The following SLC26A7 variants were observed in gnomAD, a reference collection of about 807,000 sequenced individuals.
SLC26A7 encodes solute carrier family 26 member 7, also known as anion exchange transporter.
SLC26A7 carries 59 observed loss-of-function variants against 82.5 expected under a neutral mutation model. The observed-to-expected ratio is 0.72, with a 90% CI of 0.58 to 0.89. The LOEUF (loss-of-function observed/expected upper bound fraction) is 0.89. SLC26A7 is among the 40% of genes least tolerant of loss of function. SLC26A7 has a pLI of 0.00. For missense variants in SLC26A7, 820 were observed against 793.0 expected (o/e 1.03, Z -0.41); for synonymous variants, 271 against 274.3 (o/e 0.99, Z 0.12).
intron 2 of SLC26A7, among the ~76,000 whole-genome samples, chr8:91,228,796 T>C (rs1281907283): frequency 6.6e-6 from 1 of 152,202 alleles, no homozygotes; most frequent in East Asian, 1.9e-4. Flanking sequence ...TATTATTTTA[T>C]CTTTCCAAAT....
Position 91,227,150 on chromosome 8 carries a change from C to G in SLC26A7, c.-34+8145C>G, listed in dbSNP as rs184020044. Among the ~76,000 whole-genome samples the G allele has an allele frequency of 1.6e-3, 240 of 152,330 alleles. 2 individuals are homozygous for G. Among genetic ancestry groups the G allele is most frequent in the African/African-American group, 5.7e-3 (236 of 41,584 alleles). On this transcript the variant is annotated intron_variant, in intron 2 of 5. Transcript: ENST00000522862. ...CAATCTGTAATCCATCTGAAACTCT[C>G]TTTTTGGGATCTGGAACTGCAAAAT... is the stretch of plus-strand genomic sequence containing the variant.
chr8:91,360,677 T>C (rs984694883), intron 11 of SLC26A7, among the ~76,000 whole-genome samples: 10 of 152,134 alleles, frequency 6.6e-5, no homozygotes, highest in African/African-American at 2.4e-4. Context: ...GCCTCCAGGC[T>C]CTATGGTTTT....
rs138960751 is a variant in SLC26A7 at position 91,333,558 on chromosome 8, T to C, written c.643-737T>C. Among the ~76,000 whole-genome samples, 393 of 152,214 alleles carry C rather than the reference T, an allele frequency of 2.6e-3. 3 individuals are homozygous for C. Among genetic ancestry groups the C allele is most frequent in the African/African-American group, 9.0e-3 (374 of 41,532 alleles). On this transcript the variant is annotated intron_variant, in intron 5 of 18. Transcript: ENST00000276609. The stretch of plus-strand genomic sequence containing the variant: ...TCATCTATAACCTGGCCAGTTCCCA[T>C]TTATCTTCTTTGAGAAGGACCCACC...
At chr8:91,233,932 T>C (rs527551430) in intron 2 of SLC26A7, among the ~76,000 whole-genome samples, 2 of 152,338 alleles carry the variant, frequency 1.3e-5, no homozygotes, top group South Asian at 4.1e-4. Context: ...CACTCTGTCC[T>C]TGGGCTCCTC....
At chr8:91,326,813 T>C (rs1300575815) in intron 5 of SLC26A7, among the ~76,000 whole-genome samples, 1 of 152,180 alleles carries the variant, frequency 6.6e-6, no homozygotes, top group East Asian at 1.9e-4. Flanking sequence ...CCATGCTCCC[T>C]CTGCAGGTTC....
At chr8:91,307,754 C>A (rs1288065289) in intron 4 of SLC26A7, among the ~76,000 whole-genome samples, 1 of 148,402 alleles carries the variant, frequency 6.7e-6, no homozygotes, top group African/African-American at 2.5e-5. Context: ...ACATATGTAA[C>A]TAACCTGCAC....
At chr8:91,221,704 G>C (rs1393772617) in intron 2 of SLC26A7, among the ~76,000 whole-genome samples, 1 of 151,826 alleles carries the variant, frequency 6.6e-6, no homozygotes, top group African/African-American at 2.4e-5. Context: ...TATTTCTGAG[G>C]CCTCTGTTCT....
intron 9 of SLC26A7, chr8:91,348,543 A>T (rs1434966788): frequency 4.3e-6 from 1 of 232,926 alleles, no homozygotes; most frequent in African/African-American, 2.3e-5. Context: ...ATCAGTAGTT[A>T]TGATTTTGAA....
intron 1 of SLC26A7, among the ~76,000 whole-genome samples, chr8:91,212,346 C>A (rs1809944575): frequency 6.6e-6 from 1 of 151,954 alleles, no homozygotes; most frequent in Admixed American, 6.6e-5. Context: ...TTAACATTTC[C>A]CCAGATTCCT....
chr8:91,252,741 A>G (rs1173625576), intron 2 of SLC26A7, among the ~76,000 whole-genome samples: 2 of 152,162 alleles, frequency 1.3e-5, no homozygotes, highest in Admixed American at 6.6e-5. Context: ...ATACACTGCA[A>G]GACTACCTTT....
chr8:91,282,983 G>A (rs1430189043), intron 2 of SLC26A7, among the ~76,000 whole-genome samples: 8 of 152,088 alleles, frequency 5.3e-5, no homozygotes, highest in African/African-American at 1.9e-4. Context: ...AGACTAACTG[G>A]GATCCAGTCA....
intron 15 of SLC26A7, among the ~76,000 whole-genome samples, chr8:91,379,138 T>A (rs1814598808): frequency 6.6e-6 from 1 of 152,020 alleles, no homozygotes; most frequent in South Asian, 2.1e-4. Context: ...ACAACTTTAT[T>A]ATGAGACATT....
chr8:91,323,818 CTTTTTTT>C (rs3086210), intron 5 of SLC26A7, among the ~76,000 whole-genome samples: 22 of 117,104 alleles, frequency 1.9e-4, no homozygotes, highest in Non-Finnish European at 3.8e-4. Context: ...TTTTTCTTAT[CTTTTTTT>C]TTTTTTTTTT....
At chr8:91,335,914 T>C (rs1443899190) in intron 6 of SLC26A7, among the ~76,000 whole-genome samples, 1 of 152,160 alleles carries the variant, frequency 6.6e-6, no homozygotes, top group Non-Finnish European at 1.5e-5. Context: ...CTGCTCCCTC[T>C]CTTCACTTTC....
chr8:91,368,563 C>T lies in SLC26A7; in HGVS notation c.1627-1222C>T, dbSNP rs537703830. Among the ~76,000 whole-genome samples, 6 of 152,056 alleles carry T rather than the reference C, an allele frequency of 3.9e-5. 1 individual carries two copies. Among genetic ancestry groups the T allele is most frequent in the South Asian group, 2.1e-4 (1 of 4,824 alleles). On this transcript the variant is annotated intron_variant, in intron 14 of 18. Transcript: ENST00000276609. The stretch of plus-strand genomic sequence containing the variant: ...CCTCCAGAGTAGCTGGGACTACAGG[C>T]GCCCGCCACCACGCCTGGCTAATTT...
At chr8:91,270,079 A>T (rs1342377258) in intron 2 of SLC26A7, among the ~76,000 whole-genome samples, 1 of 151,976 alleles carries the variant, frequency 6.6e-6, no homozygotes, top group Non-Finnish European at 1.5e-5. Flanking sequence ...ATAGATTGTC[A>T]ATTCTTCTTG....
chr8:91,325,887 G>A (rs1047625241), intron 5 of SLC26A7, among the ~76,000 whole-genome samples: 6 of 152,182 alleles, frequency 3.9e-5, no homozygotes, highest in African/African-American at 1.4e-4. Context: ...GTCACCTGGG[G>A]CAGGACACAA....
intron 4 of SLC26A7, among the ~76,000 whole-genome samples, chr8:91,305,168 G>C (rs139641994): frequency 2.8e-3 from 431 of 152,058 alleles, no homozygotes; most frequent in Middle Eastern, 6.8e-3. Flanking sequence ...TGATTAAATT[G>C]AAGAGGAAAA....
intron 15 of SLC26A7, among the ~76,000 whole-genome samples, chr8:91,382,912 T>G (rs1365179339): frequency 6.6e-6 from 1 of 152,228 alleles, no homozygotes; most frequent in Admixed American, 6.5e-5. Flanking sequence ...CTCTTCATTT[T>G]ACTGATGAAG....
Sources: gnomAD v4.1 joint callset for allele counts (sites outside exome capture counted in the v4.1 genomes callset) on GRCh38, gnomAD v4.1.1 for gene constraint, MANE v1.5 for transcripts, NCBI Gene and HGNC (gene_info 2026-07-23, HGNC 2026-07-21) for gene names.